DDX60: variants seen among roughly 807,000 people sequenced by gnomAD.
The protein encoded by DDX60 is probable ATP-dependent RNA helicase DDX60.
A neutral mutation model predicts 212.8 loss-of-function variants in DDX60; 165 were observed. The ratio of observed to expected loss-of-function variants is 0.78; its 90% CI spans 0.68 to 0.88. DDX60 has a LOEUF of 0.88. Among genes scored for constraint, DDX60 ranks in the 40% least tolerant of loss-of-function variants. The pLI is 0.00. For missense variants in DDX60, 1,905 were observed against 2,003.9 expected, an observed-to-expected ratio of 0.95 and a Z score of 0.94; for synonymous variants, 703 against 685.3, an observed-to-expected ratio of 1.03 and a Z score of -0.40.
At chr4:168,287,267 T>A in intron 9 of DDX60, 64 bp from the exon 10 acceptor site, 1 of 1,406,204 alleles carries the variant, frequency 7.1e-7, no homozygotes, top group Non-Finnish European at 9.8e-7. Context: ...GAATCATTAG[T>A]CACATTTTGA....
intron 33 of DDX60, among the ~76,000 whole-genome samples, chr4:168,233,422 A>G (rs1343604706): frequency 6.6e-6 from 1 of 152,140 alleles, no homozygotes; most frequent in Non-Finnish European, 1.5e-5. Flanking sequence ...TGTTTACAGC[A>G]GCACAATTTG....
Position 168,219,508 on chromosome 4 carries a change from C to T in DDX60, c.5039+1147G>A, listed in dbSNP as rs141461863. Among the ~76,000 whole-genome samples, 343 of 152,160 alleles carry T rather than the reference C, an allele frequency of 2.3e-3. 1 individual carries two copies. Among genetic ancestry groups the T allele is most frequent in the African/African-American group, 7.4e-3 (306 of 41,536 alleles). ...AACTATGAGCCACTCAAGGAATACC[C>T]TATCTAGAGATATTCCAAGTGGACA... On this transcript the variant is annotated intron_variant, in intron 37 of 37. Coordinates refer to ENST00000393743, the MANE Select transcript of DDX60 (RefSeq NM_017631.6).
At chr4:168,245,867 T>A (rs1026282473) in intron 30 of DDX60, among the ~76,000 whole-genome samples, 1 of 151,998 alleles carries the variant, frequency 6.6e-6, no homozygotes, top group East Asian at 1.9e-4. Flanking sequence ...TACAACGATA[T>A]CAGTGTTTAA....
At chr4:168,241,673 G>A (rs1437426254) in intron 30 of DDX60, among the ~76,000 whole-genome samples, 1 of 152,100 alleles carries the variant, frequency 6.6e-6, no homozygotes, top group Admixed American at 6.5e-5. Flanking sequence ...AGGTGCCATG[G>A]GTGCTGTTAA....
At chr4:168,236,866 A>G (rs948314058) in intron 32 of DDX60, among the ~76,000 whole-genome samples, 3 of 151,746 alleles carry the variant, frequency 2.0e-5, no homozygotes, top group Admixed American at 1.3e-4. Context: ...TTGGAAGAAA[A>G]TATTCACAAA....
intron 34 of DDX60, 65 bp downstream of exon 34, chr4:168,225,464 A>T: frequency 4.8e-6 from 7 of 1,460,708 alleles, no homozygotes; most frequent in Non-Finnish European, 6.5e-6. Context: ...TTCCAGAATA[A>T]ACTATTCTTA....
chr4:168,264,265 T>C (rs1031536923), intron 22 of DDX60, among the ~76,000 whole-genome samples: 5 of 152,218 alleles, frequency 3.3e-5, no homozygotes, highest in African/African-American at 1.2e-4. Flanking sequence ...AAAATCAACA[T>C]ATGTTCTTCA....
chr4:168,292,785 T>A (rs1736167766), intron 7 of DDX60, among the ~76,000 whole-genome samples: 1 of 152,196 alleles, frequency 6.6e-6, no homozygotes, highest in Non-Finnish European at 1.5e-5. Context: ...TAAGATTTCA[T>A]CAGGGCACCT....
At chr4:168,254,936 T>C (rs1157841152) in intron 26 of DDX60, among the ~76,000 whole-genome samples, 1 of 152,138 alleles carries the variant, frequency 6.6e-6, no homozygotes, top group Non-Finnish European at 1.5e-5. Flanking sequence ...TTTGGCATAA[T>C]GGTAAAGAAG....
rs555767822 is a variant in DDX60 at position 168,247,655 on chromosome 4, TA to T, written c.3963+532del. ...GAATGGAGAATCAGGGGAATTGTAC[TA>T]ATAATACAAGGCTAAGAACGTACGA... On this transcript the variant is annotated intron_variant, in intron 29 of 37. Coordinates refer to ENST00000393743, the MANE Select transcript of DDX60 (RefSeq NM_017631.6). 1.6e-3 allele frequency among the ~76,000 whole-genome samples: 241 copies of T among 152,282 alleles called. 1 individual carries two copies. The highest frequency in any genetic ancestry group is 5.5e-3 in the African/African-American group (227 of 41,574).
At position 168,225,511 on chromosome 4, in the gene DDX60, G is replaced by A; in HGVS notation, c.4681+18C>T. The A allele has an allele frequency of 1.3e-6, 2 of 1,584,208 alleles. No homozygotes were observed. Among genetic ancestry groups the A allele is most frequent in the Non-Finnish European group, 1.7e-6 (2 of 1,166,624 alleles). On this transcript the variant is annotated intron_variant, in intron 34 of 37. Transcript: ENST00000393743. ...TTATTCTTCAAATTGTTCCACAATG[G>A]AGGTAAAATATACTTACTGATTTTT...
At position 168,248,182 on chromosome 4, in the gene DDX60, C is replaced by A; in HGVS notation, c.3963+6G>T. On this transcript the variant is annotated splice_donor_region_variant and intron_variant, in intron 29 of 37. Transcript: ENST00000393743. Reference sequence around the variant, plus strand: ...ACAATAAGCAAGTTTATGCATTTTGCAATACCTGTCTATAATTCAACGCAT... The same window carrying A: ...ACAATAAGCAAGTTTATGCATTTTGAAATACCTGTCTATAATTCAACGCAT... The A allele has an allele frequency of 6.3e-7, 1 of 1,584,152 alleles. No homozygotes were observed. Among genetic ancestry groups the A allele is most frequent in the South Asian group, 1.2e-5 (1 of 85,848 alleles).
rs1219766787 is a variant in DDX60, at chr4:168,262,769, G to A, written c.3058C>T (p.Pro1020Ser). 6.8e-6 allele frequency: 11 copies of A among 1,607,344 alleles called. No individual in the cohort carries two copies. Among genetic ancestry groups the A allele is most frequent in the South Asian group, 4.5e-5 (4 of 89,852 alleles). ...CGAGGTGAAAGGGTAAGATCAGGAG[G>A]GAATCCATACCTTTCAATCTGTTTA... is the stretch of plus-strand genomic sequence containing the variant. ...TTDHIERYGFPPDLTLSPRES... is the reference protein window; with the variant it reads ...TTDHIERYGFSPDLTLSPRES... The change falls in exon 23 of 38, where the codon CCT (proline) becomes TCT (serine). Residue 1020 changes from proline (P) to serine (S), a missense_variant. By Grantham distance (74) the Pro-to-Ser change is moderately conservative. Coordinates refer to ENST00000393743, the MANE Select transcript of DDX60 (RefSeq NM_017631.6).
At position 168,284,864 on chromosome 4, in the gene DDX60, T is replaced by C. The variant is rs766241228; in HGVS notation, c.1517A>G (p.Lys506Arg). ...CCTGTCATAATCATCACTCAGGGGT[T>C]TATGAGAATGCCAGTGCACAAGTTC... ...FDELVHWHSH[K>R]PLSDDYDRSR... The change falls in exon 12 of 38, where the codon AAA becomes AGA. Residue 506 changes from lysine to arginine, a missense_variant. Lys to Arg is a conservative substitution (Grantham distance 26, BLOSUM62 2). Coordinates refer to ENST00000393743, the MANE Select transcript of DDX60 (RefSeq NM_017631.6). 4.4e-6 allele frequency: 7 copies of C among 1,597,972 alleles called. No individual in the cohort carries two copies. The South Asian group carries it at 7.9e-5, about 18-fold the overall frequency.
intron 10 of DDX60, among the ~76,000 whole-genome samples, chr4:168,286,348 TG>T (rs1735847508): frequency 6.7e-6 from 1 of 150,144 alleles, no homozygotes; most frequent in African/African-American, 2.5e-5. Context: ...TGAAATTATT[TG>T]ATATGATTAC....
Position 168,236,285 on chromosome 4 carries a change from G to A in DDX60, c.4500C>T (p.Phe1500=). 6.2e-7 allele frequency: 1 copy of A among 1,610,770 alleles called. No homozygotes were observed. The highest frequency in any genetic ancestry group is 8.5e-7 in the Non-Finnish European group (1 of 1,178,326). Residue 1500 remains phenylalanine (F), a synonymous_variant, in exon 33 of 38, where the codon TTC becomes TTT. Coordinates refer to ENST00000393743, the MANE Select transcript of DDX60 (RefSeq NM_017631.6). ...GATAAAACTCGAAGTGTGCATCTTG[G>A]AACTTTGGTGGAAAATATCTTCTTC... is the stretch of plus-strand genomic sequence containing the variant. ...LFGRRYFPPK[F]QDAHFEFYQS...
At position 168,293,965 on chromosome 4, in the gene DDX60, T is replaced by G; in HGVS notation, c.724-20A>C. 6.2e-7 allele frequency: 1 copy of G among 1,601,554 alleles called. No individual in the cohort carries two copies. Among genetic ancestry groups the G allele is most frequent in the Non-Finnish European group, 8.5e-7 (1 of 1,175,936 alleles). ...GTGTGCCTGTCAAAGAAAAAAATTGTAATGTGTCATGCTATTTAGAAAAAT... is the reference window on the plus strand; with the variant it reads ...GTGTGCCTGTCAAAGAAAAAAATTGGAATGTGTCATGCTATTTAGAAAAAT... On this transcript the variant is annotated intron_variant, in intron 6 of 37. Coordinates refer to ENST00000393743, the MANE Select transcript of DDX60 (RefSeq NM_017631.6).
chr4:168,294,033 T>C (rs1487431762), intron 6 of DDX60, 88 bp from the exon 7 acceptor site: 1 of 1,169,282 alleles, frequency 8.6e-7, no homozygotes, highest in Non-Finnish European at 1.2e-6. Context: ...ACTACTAGGC[T>C]TAATACATGT....
chr4:168,234,393 A>T (rs1733561235), intron 33 of DDX60, among the ~76,000 whole-genome samples: 1 of 151,450 alleles, frequency 6.6e-6, no homozygotes, highest in Admixed American at 6.6e-5. Flanking sequence ...CTGATTTTTT[A>T]ATTTTTTTTA....
Sources: gnomAD v4.1 joint callset for allele counts (sites outside exome capture counted in the v4.1 genomes callset) on GRCh38, gnomAD v4.1.1 for gene constraint, MANE v1.5 for transcripts, NCBI Gene and HGNC (gene_info 2026-07-23, HGNC 2026-07-21) for gene names.